The following HEMK2 variants were observed in gnomAD, a reference collection of about 807,000 sequenced individuals.
HEMK2 encodes HemK methyltransferase 2, ETF1 glutamine and histone H4 lysine, also known as methyltransferase HEMK2.
the HEMK2 span, among the ~76,000 whole-genome samples, chr21:28,841,109 TA>T: frequency 2.4e-5 from 1 of 42,306 alleles, no homozygotes; most frequent in Non-Finnish European, 3.6e-5. Flanking sequence ...TATTATATAA[TA>T]AATATTATAT....
the HEMK2 span, among the ~76,000 whole-genome samples, chr21:28,707,683 T>G: frequency 6.6e-6 from 1 of 150,834 alleles, no homozygotes; most frequent in Non-Finnish European, 1.5e-5. Context: ...ACTATCCTAC[T>G]ATATATATAT....
the HEMK2 span, among the ~76,000 whole-genome samples, chr21:28,826,822 T>C: frequency 1.3e-5 from 2 of 152,278 alleles, no homozygotes; most frequent in South Asian, 2.1e-4. Flanking sequence ...CCGCAGTGAA[T>C]TGAGTGTCCC....
the HEMK2 span, among the ~76,000 whole-genome samples, chr21:28,755,541 T>G: frequency 6.6e-6 from 1 of 152,232 alleles, no homozygotes; most frequent in Non-Finnish European, 1.5e-5. Context: ...GTCTATCTTC[T>G]GTGGGAAGAG....
At chr21:28,603,547 A>G in the HEMK2 span, among the ~76,000 whole-genome samples, 1,037 of 80,730 alleles carry the variant, frequency 0.013, 17 homozygotes, top group African/African-American at 0.051. Context: ...CTGAGGATAT[A>G]TATGTGTGTG....
chr21:28,830,391 C>T, the HEMK2 span, among the ~76,000 whole-genome samples: 1 of 152,248 alleles, frequency 6.6e-6, no homozygotes, highest in South Asian at 2.1e-4. Flanking sequence ...GTGAGACGTG[C>T]TTGCTTCCCC....
the HEMK2 span, among the ~76,000 whole-genome samples, chr21:28,761,651 T>C: frequency 1.3e-5 from 2 of 151,678 alleles, no homozygotes; most frequent in Admixed American, 6.6e-5. Context: ...TTAGGAAAAC[T>C]GTATAAACTG....
chr21:28,600,617 TA>T, the HEMK2 span, among the ~76,000 whole-genome samples: 1 of 152,234 alleles, frequency 6.6e-6, no homozygotes, highest in Non-Finnish European at 1.5e-5. Context: ...TCTTGTAACT[TA>T]TGCAAATGTC....
chr21:28,870,899 T>C, the HEMK2 span, among the ~76,000 whole-genome samples: 226 of 152,298 alleles, frequency 1.5e-3, 3 homozygotes, highest in African/African-American at 4.9e-3. Context: ...TTTGTAAACA[T>C]CCCATGGGTG....
the HEMK2 span, among the ~76,000 whole-genome samples, chr21:28,662,189 G>A: frequency 3.3e-5 from 5 of 152,080 alleles, no homozygotes; most frequent in African/African-American, 7.2e-5. Context: ...GAGGGTGGGC[G>A]GGAGAGGGTC....
the HEMK2 span, among the ~76,000 whole-genome samples, chr21:28,768,654 T>G: frequency 6.6e-6 from 1 of 151,944 alleles, no homozygotes; most frequent in Non-Finnish European, 1.5e-5. Flanking sequence ...CAATGGAGCA[T>G]CTCATGGTCA....
At chr21:28,859,535 T>C in the HEMK2 span, among the ~76,000 whole-genome samples, 3 of 152,246 alleles carry the variant, frequency 2.0e-5, no homozygotes, top group Non-Finnish European at 2.9e-5. Context: ...GTGGTTACTT[T>C]TTTTCAATTC....
At chr21:28,599,913 T>C in the HEMK2 span, among the ~76,000 whole-genome samples, 1 of 152,184 alleles carries the variant, frequency 6.6e-6, no homozygotes, top group Admixed American at 6.5e-5. Flanking sequence ...CAAAAGTATC[T>C]CCTTTGACTC....
the HEMK2 span, among the ~76,000 whole-genome samples, chr21:28,748,240 C>A: frequency 0.16 from 24,381 of 152,100 alleles, 2,219 homozygotes; most frequent in East Asian, 0.25. Flanking sequence ...AGCAAACCTG[C>A]ACATGTACCA....
the HEMK2 span, among the ~76,000 whole-genome samples, chr21:28,697,583 G>A: frequency 3.9e-5 from 6 of 152,174 alleles, no homozygotes; most frequent in Admixed American, 1.3e-4. Flanking sequence ...AGAGTAATGA[G>A]TGACTTCTCA....
chr21:28,705,932 T>C, the HEMK2 span, among the ~76,000 whole-genome samples: 23 of 152,320 alleles, frequency 1.5e-4, no homozygotes, highest in Admixed American at 3.9e-4. Context: ...ATGGGAAAGG[T>C]TGTCTGCTCT....
the HEMK2 span, among the ~76,000 whole-genome samples, chr21:28,839,114 C>CG: frequency 6.7e-6 from 1 of 148,690 alleles, no homozygotes; most frequent in Non-Finnish European, 1.5e-5. Flanking sequence ...GAATTAAAAA[C>CG]GAAAATCACA....
the HEMK2 span, among the ~76,000 whole-genome samples, chr21:28,740,635 A>C: frequency 6.6e-6 from 1 of 152,198 alleles, no homozygotes; most frequent in African/African-American, 2.4e-5. Flanking sequence ...ATAAGCTTAG[A>C]ATTCAAATGA....
the HEMK2 span, among the ~76,000 whole-genome samples, chr21:28,733,511 A>G: frequency 1.3e-5 from 2 of 152,156 alleles, no homozygotes; most frequent in Non-Finnish European, 2.9e-5. Flanking sequence ...ATGATAAAGG[A>G]ACCAGTGATG....
the HEMK2 span, among the ~76,000 whole-genome samples, chr21:28,713,506 T>C: frequency 6.6e-6 from 1 of 152,186 alleles, no homozygotes; most frequent in East Asian, 1.9e-4. Context: ...CAGGAAAACC[T>C]GTGATCCCCA....
Sources: gnomAD v4.1 joint callset for allele counts (sites outside exome capture counted in the v4.1 genomes callset) on GRCh38, gnomAD v4.1.1 for gene constraint, MANE v1.5 for transcripts, NCBI Gene and HGNC (gene_info 2026-07-23, HGNC 2026-07-21) for gene names.